The following CAPS2 variants were observed in gnomAD, a reference collection of about 807,000 sequenced individuals.
CAPS2 encodes calcyphosine 2, also known as calcyphosin-2.
In CAPS2, 98 loss-of-function variants were observed where a neutral mutation model predicts 86.5. The ratio of observed to expected loss-of-function variants is 1.13; its 90% CI spans 0.96 to 1.34. The LOEUF (loss-of-function observed/expected upper bound fraction) is 1.34, where lower values mean the gene tolerates loss of function less well. Among genes scored for constraint, CAPS2 ranks in the 40% most tolerant of loss-of-function variants. The pLI is 0.00. For synonymous variants in CAPS2, 210 were observed against 225.1 expected (o/e 0.93, Z 0.60); for missense variants, 729 against 686.8 (o/e 1.06, Z -0.69).
intron 6 of CAPS2, among the ~76,000 whole-genome samples, chr12:75,313,413 TCTC>T (rs2039432991): frequency 6.6e-6 from 1 of 152,172 alleles, no homozygotes; most frequent in Non-Finnish European, 1.5e-5. Context: ...AAACAAAAAC[TCTC>T]CTCATCAAAA....
intron 1 of CAPS2, among the ~76,000 whole-genome samples, chr12:75,338,590 A>AT (rs113010335): frequency 0.039 from 5,797 of 148,554 alleles, 128 homozygotes; most frequent in East Asian, 0.051. Context: ...TGGAAAAGTT[A>AT]TTTTTTTTTT....
intron 1 of CAPS2, chr12:75,343,982 AT>A: frequency 1.4e-6 from 2 of 1,472,376 alleles, no homozygotes; most frequent in Non-Finnish European, 1.8e-6. Flanking sequence ...ATTTGTGCAT[AT>A]TTTAATTGCC....
chr12:75,346,579 C>T (rs954263173), intron 1 of CAPS2, among the ~76,000 whole-genome samples: 9 of 151,980 alleles, frequency 5.9e-5, no homozygotes, highest in Non-Finnish European at 7.4e-5. Flanking sequence ...TTAGTAGAAA[C>T]GGGGTTTTGC....
At chr12:75,354,463 T>C (rs1002868995) in intron 1 of CAPS2, among the ~76,000 whole-genome samples, 2 of 152,078 alleles carry the variant, frequency 1.3e-5, no homozygotes, top group Non-Finnish European at 2.9e-5. Flanking sequence ...TACAAACCAC[T>C]GCTCAAGGAA....
chr12:75,298,959 G>A lies in CAPS2; in HGVS notation c.862C>T (p.Arg288Cys), dbSNP rs542643144. ...CCAATGAGCTCTCTGCAAGCATCAC[G>A]TCCATTACTGGAAAAATAGAATGAA... The change falls in exon 10 of 17, where the codon CGT becomes TGT. Residue 288 changes from arginine (R) to cysteine (C), a missense_variant. Transcript: ENST00000393284. The A allele has an allele frequency of 3.7e-5, 59 of 1,577,980 alleles. No individual in the cohort carries two copies. The South Asian group carries it at 5.5e-4, about 15-fold the overall frequency.
At chr12:75,350,544 G>A (rs908261659) in intron 1 of CAPS2, among the ~76,000 whole-genome samples, 15 of 152,288 alleles carry the variant, frequency 9.8e-5, no homozygotes, top group Middle Eastern at 6.8e-3. Context: ...ATACTTCCAG[G>A]TGTCAGAGGG....
intron 1 of CAPS2, chr12:75,369,567 T>C (rs1057485095): frequency 2.9e-5 from 29 of 983,746 alleles, no homozygotes; most frequent in Non-Finnish European, 3.5e-5. Flanking sequence ...ATATTTGGAG[T>C]AAGGACCATT....
intron 1 of CAPS2, among the ~76,000 whole-genome samples, chr12:75,354,940 A>C (rs1229009823): frequency 6.6e-6 from 1 of 152,236 alleles, no homozygotes; most frequent in East Asian, 1.9e-4. Flanking sequence ...CAGAGAATTG[A>C]AACTGCACAA....
intron 11 of CAPS2, among the ~76,000 whole-genome samples, chr12:75,295,466 C>T (rs192456882): frequency 4.5e-4 from 69 of 152,308 alleles, no homozygotes; most frequent in African/African-American, 1.6e-3. Flanking sequence ...AATCTGGACA[C>T]ATACGATGTT....
At chr12:75,293,108 G>C in intron 12 of CAPS2, 141 bp downstream of exon 12, 1 of 594,288 alleles carries the variant, frequency 1.7e-6, no homozygotes, top group South Asian at 2.2e-5. Flanking sequence ...ACATAAAAAA[G>C]ACATACGTAG....
At chr12:75,292,117 A>AGT (rs1470703205) in intron 12 of CAPS2, among the ~76,000 whole-genome samples, 2 of 152,092 alleles carry the variant, frequency 1.3e-5, no homozygotes, top group Non-Finnish European at 2.9e-5. Context: ...CCCAGGCTGG[A>AGT]GTGCAGTGGC....
chr12:75,296,431 A>G (rs2036893706), intron 11 of CAPS2, among the ~76,000 whole-genome samples: 1 of 152,070 alleles, frequency 6.6e-6, no homozygotes, highest in Admixed American at 6.6e-5. Context: ...AGCTGGGACT[A>G]CAGGTGCCCG....
At chr12:75,276,776 A>G, downstream of CAPS2, 1 of 884,706 alleles carries the variant, frequency 1.1e-6, no homozygotes. Flanking sequence ...CAAGTAACTT[A>G]CAAAGACATA....
chr12:75,334,618 G>A, upstream of CAPS2: 1 of 1,498,942 alleles, frequency 6.7e-7, no homozygotes. Flanking sequence ...AGCCTGTGCG[G>A]CAGGATGGAG....
chr12:75,289,895 A>G (rs1463031358), intron 13 of CAPS2, 120 bp from the exon 14 acceptor site: 7 of 711,534 alleles, frequency 9.8e-6, no homozygotes, highest in Admixed American at 2.7e-5. Flanking sequence ...GTGAATATTC[A>G]AACAAATCAA....
intron 1 of CAPS2, among the ~76,000 whole-genome samples, chr12:75,364,023 G>A (rs2043798022): frequency 6.6e-6 from 1 of 152,152 alleles, no homozygotes; most frequent in South Asian, 2.1e-4. Context: ...GGAATACCTC[G>A]GTTAAGATAA....
At chr12:75,292,109 C>G (rs1160607080) in intron 12 of CAPS2, among the ~76,000 whole-genome samples, 2 of 152,108 alleles carry the variant, frequency 1.3e-5, no homozygotes, top group African/African-American at 4.8e-5. Context: ...CTCTGTCACC[C>G]AGGCTGGAGT....
chr12:75,295,053 G>C (rs2138414119), intron 11 of CAPS2: 1 of 152,210 alleles, frequency 6.6e-6, no homozygotes, highest in South Asian at 2.1e-4. Flanking sequence ...TTGCTGAATG[G>C]GACCAAAGGA....
chr12:75,372,640 A>G (rs1295384966), intron 1 of CAPS2, among the ~76,000 whole-genome samples: 1 of 152,102 alleles, frequency 6.6e-6, no homozygotes, highest in East Asian at 1.9e-4. Flanking sequence ...TGTGCCATAT[A>G]TTGGATGCTG....
Sources: allele counts gnomAD v4.1 joint callset (sites outside exome capture counted in the v4.1 genomes callset), GRCh38; gene constraint gnomAD v4.1.1; transcripts MANE v1.5; gene names NCBI Gene and HGNC (gene_info 2026-07-23, HGNC 2026-07-21).